Variants in ROBO2 observed in about 807,000 individuals in gnomAD.
The protein encoded by ROBO2 is roundabout homolog 2.
ROBO2 carries 53 observed loss-of-function variants against 160.8 expected under a neutral mutation model. The observed-to-expected ratio is 0.33, with a 90% CI of 0.26 to 0.41. The LOEUF is 0.41. Ranked by LOEUF, ROBO2 falls within the 10% of genes least tolerant of loss-of-function variation. The pLI, the probability that ROBO2 is intolerant of heterozygous loss-of-function variation, is 1.00. For missense variants in ROBO2, 1,577 were observed against 1,722.4 expected, an observed-to-expected ratio of 0.92 and a Z score of 1.49; for synonymous variants, 664 against 611.7, an observed-to-expected ratio of 1.09 and a Z score of -1.26.
chr3:76,744,292 C>T (rs1482370001), intron 2 of ROBO2, among the ~76,000 whole-genome samples: 1 of 151,844 alleles, frequency 6.6e-6, no homozygotes, highest in Admixed American at 6.6e-5. Context: ...TCTTCTTCTT[C>T]CCCTCCTCTT....
chr3:76,397,138 G>C (rs1261982029), intron 2 of ROBO2, among the ~76,000 whole-genome samples: 1 of 152,096 alleles, frequency 6.6e-6, no homozygotes, highest in Admixed American at 6.6e-5. Flanking sequence ...ATAGATCAAT[G>C]GAACAGAACA....
At position 75,960,414 on chromosome 3, in the gene ROBO2, A is replaced by C. The variant is rs188457466; in HGVS notation, c.109+22812A>C. Among the ~76,000 whole-genome samples, 11 of 151,992 alleles carry C rather than the reference A, an allele frequency of 7.2e-5. No homozygotes were observed. The East Asian group carries it at 2.2e-3, about 30-fold the overall frequency. ...AGGAAGCAGGACAGACAGCAAGTTA[A>C]CATAATGTTTAAGGCTGGATGTGCT... is the stretch of plus-strand genomic sequence containing the variant. On this transcript the variant is annotated intron_variant, in intron 2 of 26. Coordinates refer to the ROBO2 transcript ENST00000487694.
chr3:76,787,831 G>T (rs546585638), intron 2 of ROBO2, among the ~76,000 whole-genome samples: 11 of 151,522 alleles, frequency 7.3e-5, no homozygotes, highest in Admixed American at 4.0e-4. Context: ...TATATTTGTT[G>T]TTTATGCTGT....
intron 2 of ROBO2, among the ~76,000 whole-genome samples, chr3:76,069,632 A>G (rs1382685274): frequency 6.7e-6 from 1 of 150,018 alleles, no homozygotes; most frequent in Non-Finnish European, 1.5e-5. Context: ...CTTTTTTTTT[A>G]ATGAAAATTA....
chr3:76,753,855 A>G (rs2060819464), intron 2 of ROBO2, among the ~76,000 whole-genome samples: 1 of 151,902 alleles, frequency 6.6e-6, no homozygotes, highest in Non-Finnish European at 1.5e-5. Context: ...GGCTCTCAAT[A>G]TAACTGAAAC....
rs190457272 is a variant in ROBO2 at position 77,395,283 on chromosome 3, A to G, written c.389-82131A>G. Among the ~76,000 whole-genome samples the G allele has an allele frequency of 2.6e-5, 4 of 152,252 alleles. No individual in the cohort carries two copies. In the East Asian group the frequency reaches 7.7e-4, roughly 29 times the overall value. On this transcript the variant is annotated intron_variant, in intron 2 of 25. Transcript: ENST00000461745. The stretch of plus-strand genomic sequence containing the variant: ...CCACAGCTGTTACTAGGATAACAAA[A>G]ATAATGTTGAATAACTGCTTACTTT...
intron 2 of ROBO2, among the ~76,000 whole-genome samples, chr3:76,759,496 A>G (rs1254511571): frequency 3.3e-5 from 5 of 151,748 alleles, no homozygotes. Flanking sequence ...ATATATTAAT[A>G]TATATAGAAG....
In ROBO2 at chr3:76,122,895, T is replaced by C. The variant is rs1242415642; in HGVS notation, c.109+185293T>C. 2.0e-5 allele frequency among the ~76,000 whole-genome samples: 3 copies of C among 152,044 alleles called. No homozygotes were observed. The East Asian group carries it at 5.8e-4, about 29-fold the overall frequency. On this transcript the variant is annotated intron_variant, in intron 2 of 26. Coordinates refer to the ROBO2 transcript ENST00000487694. Reference sequence around the variant, plus strand: ...TATAAAAATTGATTTCAACCCTGGATTGCCACCACATCCGGCTAACTTTTT... The same window carrying C: ...TATAAAAATTGATTTCAACCCTGGACTGCCACCACATCCGGCTAACTTTTT...
In ROBO2 at chr3:77,134,343, G is replaced by A. The variant is rs779330710; in HGVS notation, c.388+36003G>A. 1.3e-4 allele frequency among the ~76,000 whole-genome samples: 20 copies of A among 152,096 alleles called. 1 individual carries two copies. Among genetic ancestry groups the A allele is most frequent in the Non-Finnish European group, 4.4e-5 (3 of 67,996 alleles). On this transcript the variant is annotated intron_variant, in intron 2 of 25. Transcript: ENST00000461745. The stretch of plus-strand genomic sequence containing the variant: ...ACCACACATTTGACTTTTTATTTTT[G>A]TAGTACCGATTTTGGTCAAAGCATT...
intron 2 of ROBO2, among the ~76,000 whole-genome samples, chr3:76,937,609 A>G (rs150624481): frequency 1.8e-4 from 27 of 149,634 alleles, no homozygotes; most frequent in African/African-American, 6.9e-4. Context: ...AAAGAAAACT[A>G]TCTTTGCATA....
intron 2 of ROBO2, among the ~76,000 whole-genome samples, chr3:76,033,789 C>G (rs542783343): frequency 6.6e-6 from 1 of 152,092 alleles, no homozygotes; most frequent in East Asian, 1.9e-4. Flanking sequence ...GGCATGGGTA[C>G]TTGCTGTTGT....
chr3:77,092,739 C>T (rs887143448), intron 1 of ROBO2, among the ~76,000 whole-genome samples: 4 of 148,930 alleles, frequency 2.7e-5, no homozygotes, highest in African/African-American at 7.3e-5. Flanking sequence ...CAGTCACAAG[C>T]GAAATTAGAA....
At position 76,258,219 on chromosome 3, in the gene ROBO2, T is replaced by C. The variant is rs577062569; in HGVS notation, c.109+320617T>C. The stretch of plus-strand genomic sequence containing the variant: ...TCTTTGTAAGATATATGCATGATTT[T>C]GATTTGAATCAATTTTAATATTCTT... On this transcript the variant is annotated intron_variant, in intron 2 of 26. Coordinates refer to the ROBO2 transcript ENST00000487694. Among the ~76,000 whole-genome samples the C allele has an allele frequency of 3.2e-4, 49 of 152,230 alleles. 1 individual carries two copies. Among genetic ancestry groups the C allele is most frequent in the African/African-American group, 1.2e-3 (48 of 41,582 alleles).
At chr3:76,503,049 G>C (rs1377286034) in intron 2 of ROBO2, among the ~76,000 whole-genome samples, 2 of 151,628 alleles carry the variant, frequency 1.3e-5, no homozygotes, top group African/African-American at 2.4e-5. Flanking sequence ...TGTGCAAAGG[G>C]GAGTTATTAA....
At chr3:77,153,383 A>G (rs886724882) in intron 2 of ROBO2, among the ~76,000 whole-genome samples, 2 of 152,140 alleles carry the variant, frequency 1.3e-5, no homozygotes, top group African/African-American at 4.8e-5. Flanking sequence ...GTGAATTGAA[A>G]AAGGCAAACA....
At chr3:77,059,161 T>C (rs559915748) in intron 1 of ROBO2, among the ~76,000 whole-genome samples, 4 of 152,176 alleles carry the variant, frequency 2.6e-5, no homozygotes, top group East Asian at 3.9e-4. Flanking sequence ...AACAATTATG[T>C]TGAGGACTGG....
chr3:76,603,435 A>G (rs1311125723), intron 2 of ROBO2, among the ~76,000 whole-genome samples: 1 of 141,502 alleles, frequency 7.1e-6, no homozygotes, highest in Non-Finnish European at 1.5e-5. Context: ...TATTTGCCCA[A>G]TTCTTAAAGA....
At chr3:76,046,742 C>A (rs1271989289) in intron 2 of ROBO2, among the ~76,000 whole-genome samples, 1 of 151,984 alleles carries the variant, frequency 6.6e-6, no homozygotes, top group Non-Finnish European at 1.5e-5. Flanking sequence ...ATAAAACCTT[C>A]TCTTTATGAG....
Position 76,341,182 on chromosome 3 carries a change from C to T in ROBO2, c.109+403580C>T, listed in dbSNP as rs145465507. On this transcript the variant is annotated intron_variant, in intron 2 of 26. Coordinates refer to the ROBO2 transcript ENST00000487694. The stretch of plus-strand genomic sequence containing the variant: ...TGCTACCATAACAATATTAGACTAA[C>T]TACTGTAAGGAAAAAAAGAATAAAC... Among the ~76,000 whole-genome samples, 80 of 151,750 alleles carry T rather than the reference C, an allele frequency of 5.3e-4. 1 individual carries two copies. The highest frequency in any genetic ancestry group is 8.5e-4 in the Admixed American group (13 of 15,242).
Sources: gnomAD v4.1 joint callset for allele counts (sites outside exome capture counted in the v4.1 genomes callset) on GRCh38, gnomAD v4.1.1 for gene constraint, MANE v1.5 for transcripts, NCBI Gene and HGNC (gene_info 2026-07-23, HGNC 2026-07-21) for gene names.